ANKRD44: variants seen among roughly 807,000 people sequenced by gnomAD.
ANKRD44 encodes the protein serine/threonine-protein phosphatase 6 regulatory ankyrin repeat subunit B.
In ANKRD44, 35 loss-of-function variants were observed where a neutral mutation model predicts 116.0. That is an observed-to-expected ratio of 0.30 (90% confidence interval 0.23 to 0.40). The LOEUF is 0.40. Ranked by LOEUF, ANKRD44 falls within the 10% of genes least tolerant of loss-of-function variation. ANKRD44 has a pLI of 1.00. For synonymous variants in ANKRD44, 435 were observed against 461.8 expected (o/e 0.94, Z 0.74); for missense variants, 1,014 against 1,242.6 (o/e 0.82, Z 2.77).
chr2:197,011,089 C>T (rs114087382), intron 18 of ANKRD44, among the ~76,000 whole-genome samples: 1,755 of 152,246 alleles, frequency 0.012, 32 homozygotes, highest in African/African-American at 0.04. Flanking sequence ...GTTGCTGCTG[C>T]TGTTATGTTT....
intron 16 of ANKRD44, among the ~76,000 whole-genome samples, chr2:197,061,683 T>C (rs1454390706): frequency 1.3e-5 from 2 of 152,104 alleles, no homozygotes; most frequent in African/African-American, 4.8e-5. Context: ...GTTATTGCCC[T>C]ATGGAGAACT....
intron 1 of ANKRD44, among the ~76,000 whole-genome samples, chr2:197,213,283 T>C (rs1423785198): frequency 6.6e-5 from 10 of 152,200 alleles, no homozygotes; most frequent in Non-Finnish European, 1.5e-5. Flanking sequence ...ACACAAGCGG[T>C]CTATAAAGTA....
At chr2:197,294,605 ACACACAAACTTATAACC>A (rs1338535630) in intron 1 of ANKRD44, among the ~76,000 whole-genome samples, 1 of 152,172 alleles carries the variant, frequency 6.6e-6, no homozygotes, top group African/African-American at 2.4e-5. Flanking sequence ...GCCCCAACAC[ACACACAAACTTATAACC>A]CACACAGAAA....
intron 2 of ANKRD44, among the ~76,000 whole-genome samples, chr2:197,159,695 A>G (rs2079910515): frequency 6.6e-6 from 1 of 152,244 alleles, no homozygotes; most frequent in Admixed American, 6.5e-5. Context: ...AATGATTCAT[A>G]AAGTTGCCAA....
chr2:197,019,137 C>A (rs1034476454), intron 17 of ANKRD44, among the ~76,000 whole-genome samples: 6 of 152,160 alleles, frequency 3.9e-5, no homozygotes, highest in Non-Finnish European at 8.8e-5. Flanking sequence ...GAAACCTAAA[C>A]CCTTTCTATA....
chr2:197,126,127 T>C, intron 4 of ANKRD44, 90 bp from the exon 5 acceptor site: 3 of 1,380,754 alleles, frequency 2.2e-6, no homozygotes, highest in South Asian at 1.2e-5. Flanking sequence ...CCTGGAACTA[T>C]GGAGAGAAAG....
intron 1 of ANKRD44, among the ~76,000 whole-genome samples, chr2:197,258,270 CTTTTTTTTTT>C (rs71395680): frequency 6.3e-5 from 5 of 79,224 alleles, no homozygotes; most frequent in East Asian, 3.1e-4. Flanking sequence ...TTGGCTAATC[CTTTTTTTTTT>C]TTTTTTTTTT....
chr2:197,080,753 C>T (rs1195315095), intron 15 of ANKRD44, among the ~76,000 whole-genome samples: 1 of 152,098 alleles, frequency 6.6e-6, no homozygotes, highest in Admixed American at 6.6e-5. Flanking sequence ...GGGAGGAGCA[C>T]AGTGGAAAAC....
intron 16 of ANKRD44, among the ~76,000 whole-genome samples, chr2:197,057,472 T>C (rs2077224274): frequency 6.6e-6 from 1 of 152,206 alleles, no homozygotes; most frequent in African/African-American, 2.4e-5. Context: ...ATAAGCACTG[T>C]TTTTGAATTT....
intron 9 of ANKRD44, among the ~76,000 whole-genome samples, chr2:197,110,209 T>A (rs1416228664): frequency 6.6e-6 from 1 of 152,174 alleles, no homozygotes; most frequent in Non-Finnish European, 1.5e-5. Context: ...ACTCCTGACC[T>A]CAGGTGATCT....
chr2:197,017,654 C>G (rs1265831987), intron 17 of ANKRD44, among the ~76,000 whole-genome samples: 1 of 152,194 alleles, frequency 6.6e-6, no homozygotes, highest in Admixed American at 6.5e-5. Flanking sequence ...TGTCCAGCTG[C>G]CTATTGATGT....
At chr2:197,014,516 G>A (rs539602440) in intron 17 of ANKRD44, among the ~76,000 whole-genome samples, 4 of 152,020 alleles carry the variant, frequency 2.6e-5, no homozygotes, top group African/African-American at 9.7e-5. Flanking sequence ...TGTCAGACAC[G>A]GTGGCTCACA....
intron 1 of ANKRD44, among the ~76,000 whole-genome samples, chr2:197,293,447 T>G (rs1429417): frequency 0.46 from 69,306 of 151,884 alleles, 16,806 homozygotes; most frequent in African/African-American, 0.63. Flanking sequence ...GAAGAAACTT[T>G]CCCCACTCCA....
intron 1 of ANKRD44, among the ~76,000 whole-genome samples, chr2:197,225,543 C>T (rs1018122253): frequency 6.6e-6 from 1 of 152,150 alleles, no homozygotes; most frequent in Non-Finnish European, 1.5e-5. Flanking sequence ...AGGGTTTCAC[C>T]ATGATGGCCA....
chr2:197,031,243 C>T (rs1483035401), intron 16 of ANKRD44, among the ~76,000 whole-genome samples: 1 of 151,520 alleles, frequency 6.6e-6, no homozygotes, highest in Non-Finnish European at 1.5e-5. Flanking sequence ...GAAATACATA[C>T]CTTACAAAGT....
chr2:197,018,618 ATC>A (rs2076436132), intron 17 of ANKRD44, among the ~76,000 whole-genome samples: 1 of 152,168 alleles, frequency 6.6e-6, no homozygotes, highest in Non-Finnish European at 1.5e-5. Flanking sequence ...ATCAATGGAT[ATC>A]TGTTATGTAT....
chr2:197,289,944 C>A (rs1344769269), intron 1 of ANKRD44, among the ~76,000 whole-genome samples: 1 of 151,556 alleles, frequency 6.6e-6, no homozygotes, highest in Non-Finnish European at 1.5e-5. Flanking sequence ...CGGCTCACTG[C>A]AACCTCCTGG....
At chr2:197,254,789 T>C (rs2082408057) in intron 1 of ANKRD44, among the ~76,000 whole-genome samples, 1 of 152,044 alleles carries the variant, frequency 6.6e-6, no homozygotes, top group Admixed American at 6.6e-5. Context: ...TGCTTTAACA[T>C]CAAAATCATG....
Position 197,099,858 on chromosome 2 carries a change from A to T in ANKRD44, c.1058T>A (p.Leu353His). Reference protein sequence around the residue: ...LHVAARYGHELLINTLITSGA... With the variant: ...LHVAARYGHEHLINTLITSGA... ...GCTGGTTATTAAGGTGTTAATCAAA[A>T]GCTCATGACCGTATCTTGCAGCCAC... Residue 353 changes from leucine to histidine, a missense_variant, in exon 10 of 28, where the codon CTT becomes CAT. Transcript: ENST00000282272. 1 of 1,614,174 alleles carries T rather than the reference A, an allele frequency of 6.2e-7. No individual in the cohort carries two copies. Among genetic ancestry groups the T allele is most frequent in the Non-Finnish European group, 8.5e-7 (1 of 1,180,026 alleles).
Sources: allele counts gnomAD v4.1 joint callset (sites outside exome capture counted in the v4.1 genomes callset), GRCh38; gene constraint gnomAD v4.1.1; transcripts MANE v1.5; gene names NCBI Gene and HGNC (gene_info 2026-07-23, HGNC 2026-07-21).